SPAST: variants seen among roughly 807,000 people sequenced by gnomAD.
SPAST encodes spastic paraplegia 4 (autosomal dominant; spastin).
A neutral mutation model predicts 76.6 loss-of-function variants in SPAST; 30 were observed. The ratio of observed to expected loss-of-function variants is 0.39; its 90% CI spans 0.29 to 0.53. SPAST has a LOEUF of 0.53. Ranked by LOEUF, SPAST falls within the 20% of genes least tolerant of loss-of-function variation. SPAST has a pLI of 0.68. For synonymous variants in SPAST, 305 were observed against 281.0 expected, an observed-to-expected ratio of 1.09 and a Z score of -0.86; for missense variants, 717 against 770.5, an observed-to-expected ratio of 0.93 and a Z score of 0.82.
At chr2:32,147,929 C>CT (rs1679950308) in intron 16 of SPAST, among the ~76,000 whole-genome samples, 8 of 107,476 alleles carry the variant, frequency 7.4e-5, no homozygotes, top group African/African-American at 1.1e-4. Context: ...CTGCGCCCGG[C>CT]CTTTTTTTTT....
intron 14 of SPAST, 85 bp downstream of exon 14, chr2:32,143,500 A>C (rs759647736): frequency 1.3e-4 from 110 of 847,624 alleles, no homozygotes; most frequent in Non-Finnish European, 1.9e-4. Context: ...AAGTAATCTT[A>C]AGTATGAAAT....
chr2:32,102,310 C>T lies in SPAST; in HGVS notation c.682+3419C>T, dbSNP rs372269780. On this transcript the variant is annotated intron_variant, in intron 4 of 16. Coordinates refer to ENST00000315285, the MANE Select transcript of SPAST (RefSeq NM_014946.4). ...TGTATAGGAATGCTTGTGATTTTTG[C>T]ACATTGATTTTGTATCCTGAGACTT... 1.1e-3 allele frequency among the ~76,000 whole-genome samples: 163 copies of T among 151,826 alleles called. 3 individuals are homozygous for T. The East Asian group carries it at 0.023, about 21-fold the overall frequency.
intron 1 of SPAST, among the ~76,000 whole-genome samples, chr2:32,079,084 G>A (rs1200110162): frequency 6.6e-6 from 1 of 152,002 alleles, no homozygotes; most frequent in East Asian, 1.9e-4. Flanking sequence ...CAAGTGACCC[G>A]CCCACCTCAG....
chr2:32,067,538 G>A (rs370703662), intron 1 of SPAST, among the ~76,000 whole-genome samples: 2 of 152,102 alleles, frequency 1.3e-5, no homozygotes, highest in East Asian at 1.9e-4. Context: ...TCAGGTCTCA[G>A]GCTGGTGACT....
intron 12 of SPAST, among the ~76,000 whole-genome samples, chr2:32,141,509 C>G (rs545915464): frequency 3.9e-5 from 6 of 152,228 alleles, no homozygotes; most frequent in African/African-American, 1.4e-4. Flanking sequence ...TTTTCACTGC[C>G]CTAGGCAGTT....
chr2:32,096,286 T>A (rs1349976991), intron 3 of SPAST, among the ~76,000 whole-genome samples: 2 of 152,150 alleles, frequency 1.3e-5, no homozygotes, highest in East Asian at 3.9e-4. Flanking sequence ...ATTACAAAAA[T>A]TAGCTGGGCA....
chr2:32,084,005 C>G (rs1677370616), intron 1 of SPAST, among the ~76,000 whole-genome samples: 1 of 150,578 alleles, frequency 6.6e-6, no homozygotes, highest in Non-Finnish European at 1.5e-5. Flanking sequence ...TCTTCAACTC[C>G]TGACCTCAGG....
intron 3 of SPAST, among the ~76,000 whole-genome samples, chr2:32,092,664 G>C (rs1017504569): frequency 6.6e-6 from 1 of 152,126 alleles, no homozygotes; most frequent in Non-Finnish European, 1.5e-5. Context: ...CCTCAAAAAT[G>C]CTATTACCTA....
rs1176107496 is a variant in SPAST at position 32,110,516 on chromosome 2, TATA to T, written c.683-4121_683-4119del. Among the ~76,000 whole-genome samples, 7 of 53,630 alleles carry T rather than the reference TATA, an allele frequency of 1.3e-4. No individual in the cohort carries two copies. The East Asian group carries it at 8.0e-3, about 61-fold the overall frequency. The allele number at this position is 53,630 out of a possible 152,430, so 35.2% of individuals were successfully genotyped here. A position where few individuals can be genotyped will look rare whatever the true frequency, so the allele number is the denominator to read the frequency against. On this transcript the variant is annotated intron_variant, in intron 4 of 16. Coordinates refer to ENST00000315285, the MANE Select transcript of SPAST (RefSeq NM_014946.4). The stretch of plus-strand genomic sequence containing the variant: ...ATATATATAGTATATATAGTATATA[TATA>T]CTATATAGTGTGTATATATAGTATA...
At chr2:32,100,895 A>G (rs1187073683) in intron 4 of SPAST, among the ~76,000 whole-genome samples, 2 of 152,098 alleles carry the variant, frequency 1.3e-5, no homozygotes, top group African/African-American at 4.8e-5. Context: ...AGTCTTTGCT[A>G]TTGTGAATAG....
chr2:32,132,855 A>G (rs971966813), intron 9 of SPAST, among the ~76,000 whole-genome samples: 6 of 152,040 alleles, frequency 3.9e-5, no homozygotes, highest in African/African-American at 1.4e-4. Flanking sequence ...ACAAATCTCT[A>G]CTAAATACTA....
rs1558336965 is a variant in SPAST at position 32,136,975 on chromosome 2, G to A, written c.1413+7G>A. On this transcript the variant is annotated splice_region_variant and intron_variant, in intron 11 of 16. Coordinates refer to ENST00000315285, the MANE Select transcript of SPAST (RefSeq NM_014946.4). The stretch of plus-strand genomic sequence containing the variant: ...TCTAATAGAATTTGATGGTGTAAGT[G>A]TTGATTATGATATTTTTAATGTGGC... 1.2e-6 allele frequency: 2 copies of A among 1,603,924 alleles called. No individual in the cohort carries two copies. The highest frequency in any genetic ancestry group is 2.2e-5 in the East Asian group (1 of 44,688).
chr2:32,073,224 C>T (rs891985126), intron 1 of SPAST, among the ~76,000 whole-genome samples: 8 of 152,098 alleles, frequency 5.3e-5, no homozygotes, highest in African/African-American at 1.7e-4. Flanking sequence ...GTAGTGATGG[C>T]GTTTCGCTGT....
rs1336993544 is a variant in SPAST at position 32,156,734 on chromosome 2, A to G, written c.*2238A>G. On this transcript the variant is annotated 3_prime_UTR_variant, in exon 17 of 17. Transcript: ENST00000315285. The stretch of plus-strand genomic sequence containing the variant: ...ATGTGGTTCCAGCTCAACTTTTAAT[A>G]TATTGTCTCCTTTAAAACTATCATG... 1 of 152,246 alleles carries G rather than the reference A, an allele frequency of 6.6e-6. No individual in the cohort carries two copies. The highest frequency in any genetic ancestry group is 1.5e-5 in the Non-Finnish European group (1 of 68,042). The allele number at this position is 152,246 out of a possible 1,614,324, so 9.4% of individuals were successfully genotyped here. A position where few individuals can be genotyped will look rare whatever the true frequency, so the allele number is the denominator to read the frequency against.
chr2:32,085,283 C>T (rs1249076469), intron 1 of SPAST, among the ~76,000 whole-genome samples: 1 of 142,246 alleles, frequency 7.0e-6, no homozygotes, highest in Non-Finnish European at 1.5e-5. Context: ...CTGGTACAAT[C>T]ACATCTTAGT....
intron 12 of SPAST, among the ~76,000 whole-genome samples, chr2:32,141,222 A>G (rs1241294681): frequency 6.6e-6 from 1 of 152,178 alleles, no homozygotes; most frequent in African/African-American, 2.4e-5. Flanking sequence ...ACTGCAAGAC[A>G]TTGTCTTCCC....
At chr2:32,074,667 C>T (rs1301889218) in intron 1 of SPAST, among the ~76,000 whole-genome samples, 14 of 151,930 alleles carry the variant, frequency 9.2e-5, no homozygotes, top group Middle Eastern at 3.4e-3. Context: ...TCACCACACC[C>T]GGCTAATTTT....
rs973093792 is a variant in SPAST, at chr2:32,120,424, T to G, written c.1098+4212T>G. Among the ~76,000 whole-genome samples, 3 of 152,260 alleles carry G rather than the reference T, an allele frequency of 2.0e-5. No individual in the cohort carries two copies. The East Asian group carries it at 5.8e-4, about 29-fold the overall frequency. On this transcript the variant is annotated intron_variant, in intron 7 of 16. Coordinates refer to ENST00000315285, the MANE Select transcript of SPAST (RefSeq NM_014946.4). The stretch of plus-strand genomic sequence containing the variant: ...TTACCAAGCCAAGTAGCGTACTATT[T>G]TTTCCTTGTACAGCCTTTTTTTCCC...
Position 32,154,520 on chromosome 2 carries a change from G to T in SPAST, c.*24G>T. 6.2e-7 allele frequency: 1 copy of T among 1,612,090 alleles called. No individual in the cohort carries two copies. ...AAGGAAATACCTTTGTAAACCTGCA[G>T]AACATTTTACTTAAAAGAGGAAACA... On this transcript the variant is annotated 3_prime_UTR_variant, in exon 17 of 17. Coordinates refer to ENST00000315285, the MANE Select transcript of SPAST (RefSeq NM_014946.4).
Sources: allele counts gnomAD v4.1 joint callset (sites outside exome capture counted in the v4.1 genomes callset), GRCh38; gene constraint gnomAD v4.1.1; transcripts MANE v1.5; gene names NCBI Gene and HGNC (gene_info 2026-07-23, HGNC 2026-07-21).